Variants in MRPL3 observed in about 807,000 individuals in gnomAD.
MRPL3 encodes mitochondrial ribosomal protein L3, also known as large ribosomal subunit protein uL3m.
In MRPL3, 43 loss-of-function variants were observed where a neutral mutation model predicts 44.3. The observed-to-expected ratio is 0.97, with a 90% CI of 0.76 to 1.25. The LOEUF (loss-of-function observed/expected upper bound fraction) is 1.25. Among genes scored for constraint, MRPL3 ranks in the 50% most tolerant of loss-of-function variants. MRPL3 has a pLI of 0.00. For missense variants in MRPL3, 406 were observed against 427.6 expected (o/e 0.95, Z 0.45); for synonymous variants, 171 against 152.3 (o/e 1.12, Z -0.91).
At chr3:131,469,873 T>C in intron 7 of MRPL3, 100 bp from the exon 8 acceptor site, 1 of 744,752 alleles carries the variant, frequency 1.3e-6, no homozygotes, top group South Asian at 2.2e-5. Context: ...TATTAAAATG[T>C]TTTATTTTTC....
At chr3:131,489,543 C>T (rs530021107) in intron 5 of MRPL3, among the ~76,000 whole-genome samples, 32 of 152,104 alleles carry the variant, frequency 2.1e-4, no homozygotes, top group Admixed American at 1.7e-3. Context: ...TGACAGTCCA[C>T]GGATTAGGCA....
chr3:131,496,926 C>T (rs1934382190), intron 4 of MRPL3, among the ~76,000 whole-genome samples: 1 of 152,224 alleles, frequency 6.6e-6, no homozygotes, highest in Admixed American at 6.5e-5. Context: ...GGCCTGCACA[C>T]TAAAATGCAG....
Position 131,462,495 on chromosome 3 carries a change from C to G in MRPL3, c.*228G>C, listed in dbSNP as rs1933511418. The G allele has an allele frequency of 2.7e-6, 1 of 364,022 alleles. No homozygotes were observed. The highest frequency in any genetic ancestry group is 4.8e-6 in the Non-Finnish European group (1 of 206,428). 22.5% of individuals were successfully genotyped at this position (364,022 alleles called of 1,614,324 possible). On this transcript the variant is annotated 3_prime_UTR_variant, in exon 10 of 10. Transcript: ENST00000264995. ...ATTAAGAATATTTTGCTAATATGCC[C>G]AACACCAATTTCAGCAAATCCAATC...
At chr3:131,470,895 C>T (rs1411797586) in intron 7 of MRPL3, among the ~76,000 whole-genome samples, 3 of 152,098 alleles carry the variant, frequency 2.0e-5, no homozygotes, top group South Asian at 2.1e-4. Flanking sequence ...AAAAGACAAA[C>T]TGAATTCAAC....
At chr3:131,473,369 G>C (rs1405189401) in intron 6 of MRPL3, among the ~76,000 whole-genome samples, 1 of 151,680 alleles carries the variant, frequency 6.6e-6, no homozygotes, top group East Asian at 1.9e-4. Context: ...AATGAGGTTA[G>C]ACCCCTCTCT....
chr3:131,484,310 G>A (rs778161489), intron 6 of MRPL3, among the ~76,000 whole-genome samples: 2 of 152,068 alleles, frequency 1.3e-5, no homozygotes, highest in African/African-American at 4.8e-5. Flanking sequence ...AAATTCTCAG[G>A]TATTAACCCC....
At chr3:131,463,457 TTTAAG>T (rs1275849371) in intron 9 of MRPL3, among the ~76,000 whole-genome samples, 2 of 152,064 alleles carry the variant, frequency 1.3e-5, no homozygotes, top group Non-Finnish European at 1.5e-5. Flanking sequence ...GGTAAGGGCC[TTTAAG>T]TTGAGACTAT....
chr3:131,462,915 C>A, intron 9 of MRPL3, 40 bp from the exon 10 acceptor site: 2 of 1,554,654 alleles, frequency 1.3e-6, no homozygotes, highest in East Asian at 2.3e-5. Flanking sequence ...CAATTAAGTT[C>A]TTTAAAGGTA....
intron 4 of MRPL3, among the ~76,000 whole-genome samples, chr3:131,495,524 G>GGT (rs1934348037): frequency 6.6e-6 from 1 of 152,060 alleles, no homozygotes; most frequent in Non-Finnish European, 1.5e-5. Context: ...TAAATTAAGT[G>GGT]GGTCAAAATC....
At chr3:131,498,677 G>GGGGGACA (rs1934426569) in intron 3 of MRPL3, among the ~76,000 whole-genome samples, 2 of 141,918 alleles carry the variant, frequency 1.4e-5, no homozygotes, top group African/African-American at 5.3e-5. Context: ...ACTCCAGCCT[G>GGGGGACA]GGGGACAGAG....
chr3:131,481,469 T>C (rs1393468485), intron 6 of MRPL3, among the ~76,000 whole-genome samples: 3 of 152,204 alleles, frequency 2.0e-5, no homozygotes, highest in Non-Finnish European at 4.4e-5. Flanking sequence ...ATGAAGTACA[T>C]TTACAATTAT....
At chr3:131,495,657 G>C (rs1352698156) in intron 4 of MRPL3, among the ~76,000 whole-genome samples, 2 of 152,068 alleles carry the variant, frequency 1.3e-5, no homozygotes, top group Non-Finnish European at 2.9e-5. Context: ...ACTATGAAAT[G>C]CAATACCTAT....
chr3:131,483,356 T>C (rs1934038728), intron 6 of MRPL3, among the ~76,000 whole-genome samples: 1 of 152,214 alleles, frequency 6.6e-6, no homozygotes, highest in Admixed American at 6.5e-5. Context: ...TCATTATCTA[T>C]TGATAGTATA....
intron 5 of MRPL3, among the ~76,000 whole-genome samples, chr3:131,488,075 A>G (rs1934170543): frequency 6.6e-6 from 1 of 152,232 alleles, no homozygotes; most frequent in South Asian, 2.1e-4. Context: ...ACATTGGGAA[A>G]ACAAAAACAA....
intron 5 of MRPL3, among the ~76,000 whole-genome samples, 154 bp downstream of exon 5, chr3:131,489,824 TAAA>T (rs372802949): frequency 8.5e-6 from 1 of 116,970 alleles, no homozygotes. Context: ...GTTTTTCCAC[TAAA>T]AAAAAAAAAA....
chr3:131,485,312 C>A (rs1000882296), intron 6 of MRPL3, among the ~76,000 whole-genome samples: 1 of 152,136 alleles, frequency 6.6e-6, no homozygotes, highest in African/African-American at 2.4e-5. Context: ...AAGTTAGTCA[C>A]AAGTCCAGCC....
intron 5 of MRPL3, among the ~76,000 whole-genome samples, chr3:131,488,195 T>C (rs1260791043): frequency 6.6e-6 from 1 of 152,188 alleles, no homozygotes. Flanking sequence ...GATCATGGTA[T>C]GTATGACATC....
chr3:131,497,777 T>C (rs1159996257), intron 4 of MRPL3, among the ~76,000 whole-genome samples: 1 of 152,210 alleles, frequency 6.6e-6, no homozygotes, highest in Non-Finnish European at 1.5e-5. Flanking sequence ...AAGACAATTT[T>C]CCATAGGAAG....
chr3:131,480,460 T>C (rs1442370956), intron 6 of MRPL3, among the ~76,000 whole-genome samples: 16 of 152,250 alleles, frequency 1.1e-4, no homozygotes, highest in Admixed American at 9.8e-4. Context: ...TGCAGGTATA[T>C]GATTTCTGTC....
Sources: allele counts gnomAD v4.1 joint callset (sites outside exome capture counted in the v4.1 genomes callset), GRCh38; gene constraint gnomAD v4.1.1; transcripts MANE v1.5; gene names NCBI Gene and HGNC (gene_info 2026-07-23, HGNC 2026-07-21).